Variants in GPC5 observed in about 807,000 individuals in gnomAD.
GPC5 encodes the protein glypican-5.
In GPC5, 47 loss-of-function variants were observed where a neutral mutation model predicts 53.9. The ratio of observed to expected loss-of-function variants is 0.87; its 90% CI spans 0.69 to 1.11. GPC5 has a LOEUF of 1.11. Among genes scored for constraint, GPC5 ranks in the 50% most tolerant of loss-of-function variants. GPC5 has a pLI of 0.00. For missense variants in GPC5, 748 were observed against 713.1 expected, an observed-to-expected ratio of 1.05 and a Z score of -0.56; for synonymous variants, 286 against 263.3, an observed-to-expected ratio of 1.09 and a Z score of -0.84.
intron 6 of GPC5, among the ~76,000 whole-genome samples, chr13:92,073,164 A>G (rs1300245589): frequency 6.6e-6 from 1 of 152,084 alleles, no homozygotes; most frequent in East Asian, 1.9e-4. Context: ...TAATTTTCAT[A>G]TTTCTTGTGT....
intron 7 of GPC5, among the ~76,000 whole-genome samples, chr13:92,252,402 T>C (rs2042698635): frequency 6.6e-6 from 1 of 152,068 alleles, no homozygotes; most frequent in Non-Finnish European, 1.5e-5. Flanking sequence ...AGTGAAATTT[T>C]ATTATATATC....
At chr13:91,460,762 C>CT (rs66535258) in intron 2 of GPC5, among the ~76,000 whole-genome samples, 183 of 148,222 alleles carry the variant, frequency 1.2e-3, no homozygotes, top group African/African-American at 3.7e-3. Flanking sequence ...AATATTTCAG[C>CT]TTTTTTTTTT....
intron 2 of GPC5, among the ~76,000 whole-genome samples, chr13:91,571,255 C>A (rs548336195): frequency 1.3e-5 from 2 of 152,046 alleles, no homozygotes; most frequent in African/African-American, 4.8e-5. Context: ...ATAAACATTT[C>A]TGATTTTAAC....
intron 7 of GPC5, among the ~76,000 whole-genome samples, chr13:92,796,648 A>G (rs1172396064): frequency 6.6e-6 from 1 of 151,934 alleles, no homozygotes; most frequent in Non-Finnish European, 1.5e-5. Flanking sequence ...CACCTTATTC[A>G]AAACAAAGAA....
chr13:92,345,059 T>C (rs1465183895), intron 7 of GPC5, among the ~76,000 whole-genome samples: 1 of 152,018 alleles, frequency 6.6e-6, no homozygotes, highest in Non-Finnish European at 1.5e-5. Flanking sequence ...ATAATAAAAA[T>C]ACAACAGCAT....
At position 91,625,175 on chromosome 13, in the gene GPC5, G is replaced by C. The variant is rs947852069; in HGVS notation, c.326-68012G>C. Among the ~76,000 whole-genome samples the C allele has an allele frequency of 5.9e-5, 9 of 151,356 alleles. No homozygotes were observed. In the South Asian group the frequency reaches 1.0e-3, roughly 18 times the overall value. ...TGAGAAAGGGCATAAAACTACATAG[G>C]CCAAAGAGATTGATGACATAAGGAA... On this transcript the variant is annotated intron_variant, in intron 2 of 7. Coordinates refer to ENST00000377067, the MANE Select transcript of GPC5 (RefSeq NM_004466.6).
In GPC5 at chr13:92,285,276, G is replaced by A. The variant is rs183457123; in HGVS notation, c.1561+140287G>A. Among the ~76,000 whole-genome samples, 508 of 152,230 alleles carry A rather than the reference G, an allele frequency of 3.3e-3. 7 individuals are homozygous for A. The highest frequency in any genetic ancestry group is 0.011 in the African/African-American group (470 of 41,528). ...AAATGGAAGAACATTCCATGCTCAT[G>A]GATAGGAAGAATCAATAACATGAAA... On this transcript the variant is annotated intron_variant, in intron 7 of 7. Transcript: ENST00000377067.
At chr13:92,286,855 G>T (rs976760401) in intron 7 of GPC5, among the ~76,000 whole-genome samples, 3 of 151,992 alleles carry the variant, frequency 2.0e-5, no homozygotes, top group Non-Finnish European at 2.9e-5. Context: ...TGCACATTGT[G>T]CACATGTACC....
chr13:92,607,323 A>G lies in GPC5; in HGVS notation c.1562-258959A>G, dbSNP rs1254647696. ...ATTGTGCTCTGGAGAAGAGCAACAT[A>G]TTCAGGCTCATTATCTACTAGTGGC... On this transcript the variant is annotated intron_variant, in intron 7 of 7. Coordinates refer to ENST00000377067, the MANE Select transcript of GPC5 (RefSeq NM_004466.6). 4.6e-5 allele frequency among the ~76,000 whole-genome samples: 7 copies of G among 152,324 alleles called. No homozygotes were observed. The East Asian group carries it at 1.2e-3, about 25-fold the overall frequency.
intron 3 of GPC5, among the ~76,000 whole-genome samples, chr13:91,697,331 T>C (rs961352437): frequency 1.3e-4 from 20 of 151,970 alleles, no homozygotes; most frequent in Admixed American, 9.2e-4. Context: ...TTAGTAGAGA[T>C]GGGGTTTCAC....
intron 7 of GPC5, among the ~76,000 whole-genome samples, chr13:92,708,755 C>T (rs1888032614): frequency 6.9e-6 from 1 of 145,164 alleles, no homozygotes; most frequent in African/African-American, 2.6e-5. Context: ...TCAGCAAGTG[C>T]AAAAGTGTTC....
chr13:92,680,784 A>G (rs1489293037), intron 7 of GPC5, among the ~76,000 whole-genome samples: 1 of 152,172 alleles, frequency 6.6e-6, no homozygotes, highest in Non-Finnish European at 1.5e-5. Context: ...GGTAGAGGAA[A>G]ATATATATTG....
intron 2 of GPC5, among the ~76,000 whole-genome samples, chr13:91,561,232 T>C (rs1389908150): frequency 6.6e-6 from 1 of 152,122 alleles, no homozygotes; most frequent in African/African-American, 2.4e-5. Context: ...GAATGTGTAA[T>C]TTCAATAATT....
rs188261163 is a variant in GPC5, at chr13:92,210,549, C to G, written c.1561+65560C>G. On this transcript the variant is annotated intron_variant, in intron 7 of 7. Transcript: ENST00000377067. ...TCTTCAGGCGAACTAGTGAACCTCT[C>G]CAGTTTCTAATAATATATGAATAAC... Among the ~76,000 whole-genome samples, 37 of 152,220 alleles carry G rather than the reference C, an allele frequency of 2.4e-4. 1 individual carries two copies. The highest frequency in any genetic ancestry group is 1.8e-3 in the Admixed American group (28 of 15,292).
At chr13:92,743,316 G>T (rs1173944688) in intron 7 of GPC5, among the ~76,000 whole-genome samples, 5 of 152,014 alleles carry the variant, frequency 3.3e-5, no homozygotes, top group Non-Finnish European at 7.4e-5. Flanking sequence ...TTGTAAGTTG[G>T]ATTCCTAGGT....
intron 7 of GPC5, among the ~76,000 whole-genome samples, chr13:92,740,540 G>T (rs936671272): frequency 2.0e-5 from 3 of 151,912 alleles, no homozygotes; most frequent in Non-Finnish European, 4.4e-5. Flanking sequence ...TCAAGTGCTT[G>T]GTATGTATAG....
intron 7 of GPC5, among the ~76,000 whole-genome samples, chr13:92,321,602 AACATACAT>A (rs34397471): frequency 0.013 from 2,017 of 150,624 alleles, 21 homozygotes; most frequent in African/African-American, 0.024. Context: ...CTCCATCTCA[AACATACAT>A]ACATACATAC....
At chr13:92,269,562 T>A (rs2139153199) in intron 7 of GPC5, among the ~76,000 whole-genome samples, 1 of 152,162 alleles carries the variant, frequency 6.6e-6, no homozygotes, top group South Asian at 2.1e-4. Context: ...TCTGCCACCA[T>A]GCCCGGCTAA....
At chr13:91,813,175 C>CT (rs1474139540) in intron 5 of GPC5, among the ~76,000 whole-genome samples, 1 of 152,042 alleles carries the variant, frequency 6.6e-6, no homozygotes, top group Non-Finnish European at 1.5e-5. Flanking sequence ...TTGAAAGGGG[C>CT]TTTTTTGACA....
Sources: gnomAD v4.1 joint callset for allele counts (sites outside exome capture counted in the v4.1 genomes callset) on GRCh38, gnomAD v4.1.1 for gene constraint, MANE v1.5 for transcripts, NCBI Gene and HGNC (gene_info 2026-07-23, HGNC 2026-07-21) for gene names.